The following SCTR variants were observed in gnomAD, a reference collection of about 807,000 sequenced individuals.
The protein encoded by SCTR is secretin receptor, also known as pancreatic secretin receptor.
A neutral mutation model predicts 60.8 loss-of-function variants in SCTR; 56 were observed. The ratio of observed to expected loss-of-function variants is 0.92; its 90% confidence interval spans 0.74 to 1.15. The LOEUF (loss-of-function observed/expected upper bound fraction) is 1.15. SCTR is among the 50% of genes most tolerant of loss of function. The probability of loss-of-function intolerance (pLI) is 0.00; values close to 1 mark genes in which losing one functional copy is unlikely to be tolerated. For synonymous variants in SCTR, 202 were observed against 217.0 expected, an observed-to-expected ratio of 0.93 and a Z score of 0.61; for missense variants, 562 against 550.4, an observed-to-expected ratio of 1.02 and a Z score of -0.21.
intron 4 of SCTR, among the ~76,000 whole-genome samples, chr2:119,469,249 C>T (rs912980757): frequency 2.0e-5 from 3 of 152,276 alleles, no homozygotes; most frequent in Admixed American, 2.0e-4. Context: ...CAGAGGGTGT[C>T]AGCCTCACTC....
At chr2:119,466,079 GATCCCTAAGGATC>G (rs985278108) in intron 4 of SCTR, among the ~76,000 whole-genome samples, 193 bp from the exon 5 acceptor site, 9 of 151,958 alleles carry the variant, frequency 5.9e-5, no homozygotes, top group African/African-American at 2.2e-4. Context: ...ATCATCTGAT[GATCCCTAAGGATC>G]ATCCCTAAGT....
intron 4 of SCTR, among the ~76,000 whole-genome samples, chr2:119,467,830 T>C (rs1683901298): frequency 6.6e-6 from 1 of 152,210 alleles, no homozygotes; most frequent in African/African-American, 2.4e-5. Flanking sequence ...TGCTGATATA[T>C]TATTACATGA....
At chr2:119,484,298 G>A (rs117502333) in intron 2 of SCTR, among the ~76,000 whole-genome samples, 32 of 152,294 alleles carry the variant, frequency 2.1e-4, no homozygotes, top group East Asian at 1.9e-3. Context: ...CGCCTCTGTC[G>A]TCTCTGATGG....
At chr2:119,462,945 G>A (rs1244235445) in intron 6 of SCTR, among the ~76,000 whole-genome samples, 2 of 152,192 alleles carry the variant, frequency 1.3e-5, no homozygotes, top group Admixed American at 6.5e-5. Context: ...GGTCAGTAAT[G>A]AAGCGTGGCT....
At chr2:119,444,054 G>A (rs1242358537) in intron 11 of SCTR, among the ~76,000 whole-genome samples, 1 of 151,588 alleles carries the variant, frequency 6.6e-6, no homozygotes, top group African/African-American at 2.4e-5. Flanking sequence ...TGAGGCTGGG[G>A]ATAGGTAATG....
chr2:119,446,813 TG>T lies in SCTR; in HGVS notation c.1085del (p.Pro362GlnfsTer13), dbSNP rs747722864. ...GIHYIVFAFS[P>X]EDAMEIQLFF... ...ACAGCTGGATCTCCATAGCGTCCTC[TG>T]GGGAGAAGGCGAAGACGATGTAGTG... On this transcript the variant is annotated frameshift_variant, in exon 11 of 13. Coordinates refer to ENST00000019103, the MANE Select transcript of SCTR (RefSeq NM_002980.3). LOFTEE classifies it high-confidence loss of function. 6.3e-6 allele frequency: 10 copies of T among 1,583,244 alleles called. No homozygotes were observed. The East Asian group carries it at 2.1e-4, about 33-fold the overall frequency.
chr2:119,490,440 T>C (rs1678070883), intron 2 of SCTR, among the ~76,000 whole-genome samples: 1 of 152,234 alleles, frequency 6.6e-6, no homozygotes. Flanking sequence ...ACTCTCCTGG[T>C]GCAACCTCAG....
At chr2:119,496,025 G>A (rs1412891778) in intron 1 of SCTR, among the ~76,000 whole-genome samples, 2 of 152,110 alleles carry the variant, frequency 1.3e-5, no homozygotes, top group Non-Finnish European at 2.9e-5. Flanking sequence ...GTTGTCAAGA[G>A]AGCTGGCATT....
rs185862799 is a variant in SCTR, at chr2:119,474,321, T to C, written c.302-765A>G. ...ATAAAGAGCCTGCCCTGAACTCTTC[T>C]CATAGGGAAGAGGAGAGCACTTCCC... On this transcript the variant is annotated intron_variant, in intron 3 of 12. Coordinates refer to ENST00000019103, the MANE Select transcript of SCTR (RefSeq NM_002980.3). Among the ~76,000 whole-genome samples, 1,385 of 152,242 alleles carry C rather than the reference T, an allele frequency of 9.1e-3. 18 individuals carry two copies. Among genetic ancestry groups the C allele is most frequent in the African/African-American group, 0.031 (1,288 of 41,538 alleles).
At chr2:119,460,795 A>G (rs1185885921) in intron 7 of SCTR, among the ~76,000 whole-genome samples, 2 of 152,156 alleles carry the variant, frequency 1.3e-5, no homozygotes, top group Non-Finnish European at 2.9e-5. Context: ...TTCCTAGACA[A>G]TGAATCCCGA....
At chr2:119,446,199 G>A (rs1682918945) in intron 11 of SCTR, among the ~76,000 whole-genome samples, 1 of 152,132 alleles carries the variant, frequency 6.6e-6, no homozygotes, top group Non-Finnish European at 1.5e-5. Flanking sequence ...AAGGATTCCT[G>A]TTACAGAACC....
intron 9 of SCTR, among the ~76,000 whole-genome samples, chr2:119,451,422 A>C (rs992967273): frequency 6.6e-6 from 1 of 152,098 alleles, no homozygotes; most frequent in East Asian, 1.9e-4. Context: ...AGCTATCAGT[A>C]TTTTCTAAAA....
At chr2:119,506,455 T>A (rs756615545) in intron 1 of SCTR, among the ~76,000 whole-genome samples, 1 of 148,974 alleles carries the variant, frequency 6.7e-6, no homozygotes, top group Non-Finnish European at 1.5e-5. Flanking sequence ...ATAGCATTCC[T>A]TATTTTATTT....
At chr2:119,441,683 G>C in intron 11 of SCTR, 84 bp from the exon 12 acceptor site, 3 of 1,182,814 alleles carry the variant, frequency 2.5e-6, no homozygotes, top group Non-Finnish European at 3.7e-6. Context: ...CCCTCCCCAG[G>C]TCTCTTAATC....
In SCTR at chr2:119,459,868, T is replaced by C. The variant is rs533889302; in HGVS notation, c.790+1979A>G. 3.9e-5 allele frequency among the ~76,000 whole-genome samples: 6 copies of C among 152,326 alleles called. No homozygotes were observed. In the South Asian group the frequency reaches 1.2e-3, roughly 32 times the overall value. ...TAGATGGGAAAACGGTCCATGTTCATACAGCTGAATCTTGGCGTATCTGGG... is the reference window on the plus strand; with the variant it reads ...TAGATGGGAAAACGGTCCATGTTCACACAGCTGAATCTTGGCGTATCTGGG... On this transcript the variant is annotated intron_variant, in intron 7 of 12. Coordinates refer to ENST00000019103, the MANE Select transcript of SCTR (RefSeq NM_002980.3).
intron 5 of SCTR, 23 bp from the exon 6 acceptor site, chr2:119,464,278 CAT>C: frequency 6.2e-7 from 1 of 1,613,930 alleles, no homozygotes; most frequent in East Asian, 2.2e-5. Context: ...AATGTAGGGA[CAT>C]AGAGGCCAGA....
At chr2:119,500,519 C>A (rs1438843553) in intron 1 of SCTR, among the ~76,000 whole-genome samples, 1 of 152,152 alleles carries the variant, frequency 6.6e-6, no homozygotes, top group African/African-American at 2.4e-5. Context: ...GGTATATATA[C>A]ACAGAGGAAT....
Position 119,465,958 on chromosome 2 carries a change from C to T in SCTR, c.406-72G>A, listed in dbSNP as rs945045293. 5.3e-5 allele frequency: 59 copies of T among 1,103,608 alleles called. No homozygotes were observed. In the East Asian group the frequency reaches 1.2e-3, roughly 23 times the overall value. The allele number at this position is 1,103,608 out of a possible 1,614,324, so 68.4% of individuals were successfully genotyped here. Reference sequence around the variant, plus strand: ...TCTGCCTTCTGTGCCTCACTGCATCCGCTTCAGGCAGCTTGAACCCACCGA... The same window carrying T: ...TCTGCCTTCTGTGCCTCACTGCATCTGCTTCAGGCAGCTTGAACCCACCGA... On this transcript the variant is annotated intron_variant, in intron 4 of 12. Transcript: ENST00000019103.
intron 2 of SCTR, among the ~76,000 whole-genome samples, chr2:119,481,246 G>A (rs930131252): frequency 6.6e-6 from 1 of 152,226 alleles, no homozygotes; most frequent in African/African-American, 2.4e-5. Flanking sequence ...TAAGGAGCAA[G>A]AACCTGTTTT....
Sources: allele counts gnomAD v4.1 joint callset (sites outside exome capture counted in the v4.1 genomes callset), GRCh38; gene constraint gnomAD v4.1.1; transcripts MANE v1.5; gene names NCBI Gene and HGNC (gene_info 2026-07-23, HGNC 2026-07-21).